Variants in PDSS2 observed in about 807,000 individuals in gnomAD.
PDSS2 encodes decaprenyl diphosphate synthase subunit 2.
A neutral mutation model predicts 44.5 loss-of-function variants in PDSS2; 31 were observed. The observed-to-expected ratio is 0.70, with a 90% confidence interval of 0.52 to 0.94. The LOEUF (loss-of-function observed/expected upper bound fraction) is 0.94, where lower values mean the gene tolerates loss of function less well. Ranked by LOEUF, PDSS2 falls within the 40% of genes least tolerant of loss-of-function variation. The pLI is 0.00. For synonymous variants in PDSS2, 157 were observed against 180.3 expected (o/e 0.87, Z 1.03); for missense variants, 452 against 482.2 (o/e 0.94, Z 0.59).
chr6:107,339,375 G>A (rs762200828), intron 1 of PDSS2, among the ~76,000 whole-genome samples: 7 of 152,096 alleles, frequency 4.6e-5, no homozygotes, highest in Non-Finnish European at 7.4e-5. Flanking sequence ...CTACAGAATT[G>A]GGTTTTCTTA....
At chr6:107,226,367 T>A (rs745757664) in intron 4 of PDSS2, among the ~76,000 whole-genome samples, 1 of 152,116 alleles carries the variant, frequency 6.6e-6, no homozygotes, top group East Asian at 1.9e-4. Flanking sequence ...AAAATGAACA[T>A]ACTTCTATGA....
At chr6:107,363,132 C>T (rs766703307) in intron 1 of PDSS2, among the ~76,000 whole-genome samples, 1 of 152,104 alleles carries the variant, frequency 6.6e-6, no homozygotes, top group Admixed American at 6.5e-5. Flanking sequence ...AAATAATGGG[C>T]AAAGACTTAC....
chr6:107,252,193 T>C (rs1774844421), intron 3 of PDSS2, among the ~76,000 whole-genome samples: 1 of 152,164 alleles, frequency 6.6e-6, no homozygotes, highest in African/African-American at 2.4e-5. Context: ...TTAAAATAAA[T>C]GAGGGCTTTG....
At chr6:107,371,222 A>G (rs1779120568) in intron 1 of PDSS2, among the ~76,000 whole-genome samples, 1 of 151,984 alleles carries the variant, frequency 6.6e-6, no homozygotes, top group South Asian at 2.1e-4. Flanking sequence ...AAGCCAAAGT[A>G]CCAAAATATG....
At chr6:107,429,901 A>AAAAAAAAAAAATAT (rs1166637352) in intron 1 of PDSS2, among the ~76,000 whole-genome samples, 3 of 31,838 alleles carry the variant, frequency 9.4e-5, no homozygotes, top group Non-Finnish European at 1.6e-4. Flanking sequence ...AAAAAAAAAA[A>AAAAAAAAAAAATAT]ATATATATAT....
rs575137390 is a variant in PDSS2 at position 107,336,461 on chromosome 6, G to A, written c.297-2129C>T. 1.4e-4 allele frequency among the ~76,000 whole-genome samples: 21 copies of A among 152,092 alleles called. 1 individual carries two copies. The highest frequency in any genetic ancestry group is 1.4e-3 in the East Asian group (7 of 5,176). ...TCATCAAGATAAAAGGGTTTAAACT[G>A]ATTTTTAAAAAGAAATTCTAATTTC... On this transcript the variant is annotated intron_variant, in intron 1 of 7. Transcript: ENST00000369037.
At chr6:107,366,314 A>T (rs529036597) in intron 1 of PDSS2, among the ~76,000 whole-genome samples, 6 of 152,240 alleles carry the variant, frequency 3.9e-5, no homozygotes, top group African/African-American at 1.2e-4. Flanking sequence ...AAAAAATTTT[A>T]AAAATATTTC....
At chr6:107,311,982 C>G (rs1267882548) in intron 2 of PDSS2, among the ~76,000 whole-genome samples, 5 of 152,240 alleles carry the variant, frequency 3.3e-5, no homozygotes, top group Non-Finnish European at 7.4e-5. Flanking sequence ...GAAAAGAGTA[C>G]TTAGGTTGGC....
intron 1 of PDSS2, among the ~76,000 whole-genome samples, chr6:107,426,448 G>A (rs7762907): frequency 1.9e-3 from 292 of 152,356 alleles, no homozygotes; most frequent in African/African-American, 6.5e-3. Context: ...GTAGGGCACT[G>A]CAGAAGGGAA....
chr6:107,290,772 A>G (rs568850057), intron 2 of PDSS2, among the ~76,000 whole-genome samples: 224 of 152,184 alleles, frequency 1.5e-3, no homozygotes, highest in Admixed American at 4.5e-3. Flanking sequence ...GCCATTTACA[A>G]TAGCAACCCT....
chr6:107,361,713 G>T (rs1778778778), intron 1 of PDSS2, among the ~76,000 whole-genome samples: 1 of 152,184 alleles, frequency 6.6e-6, no homozygotes, highest in Non-Finnish European at 1.5e-5. Flanking sequence ...TATCATGATG[G>T]AATGAGGTGG....
chr6:107,225,531 C>A (rs891425031), intron 4 of PDSS2, among the ~76,000 whole-genome samples: 4 of 151,994 alleles, frequency 2.6e-5, no homozygotes, highest in African/African-American at 4.8e-5. Context: ...CACAGATCAA[C>A]TCTAGTACAA....
intron 1 of PDSS2, among the ~76,000 whole-genome samples, chr6:107,361,594 A>G (rs1048269784): frequency 3.9e-5 from 6 of 152,224 alleles, no homozygotes; most frequent in Non-Finnish European, 2.9e-5. Context: ...CCCCTGCCCT[A>G]AAAGACTACC....
At chr6:107,400,759 G>A (rs957031934) in intron 1 of PDSS2, among the ~76,000 whole-genome samples, 7 of 152,222 alleles carry the variant, frequency 4.6e-5, no homozygotes, top group African/African-American at 1.7e-4. Flanking sequence ...ACAGCCTTCT[G>A]ACCCTTATCA....
chr6:107,433,111 A>G (rs1781243300), intron 1 of PDSS2, among the ~76,000 whole-genome samples: 1 of 152,166 alleles, frequency 6.6e-6, no homozygotes, highest in Admixed American at 6.6e-5. Flanking sequence ...AATAGTAAAA[A>G]TCATCCAGGA....
intron 2 of PDSS2, among the ~76,000 whole-genome samples, chr6:107,329,850 T>C (rs959678291): frequency 3.3e-5 from 5 of 151,924 alleles, no homozygotes; most frequent in African/African-American, 7.3e-5. Flanking sequence ...TTGTGAGGTA[T>C]AGAAGCAGGG....
At chr6:107,270,930 C>G (rs984387891) in intron 3 of PDSS2, among the ~76,000 whole-genome samples, 1 of 152,212 alleles carries the variant, frequency 6.6e-6, no homozygotes, top group Non-Finnish European at 1.5e-5. Flanking sequence ...AATTATTTAA[C>G]TGCTTTCAAA....
intron 2 of PDSS2, among the ~76,000 whole-genome samples, chr6:107,312,983 C>CGAGT (rs1179308862): frequency 6.6e-6 from 1 of 152,136 alleles, no homozygotes; most frequent in Non-Finnish European, 1.5e-5. Context: ...TATGGGTAGG[C>CGAGT]GAGTAGCAGA....
Position 107,210,445 on chromosome 6 carries a change from G to A in PDSS2, c.1002C>T (p.Ile334=), listed in dbSNP as rs375546963. 79 of 1,606,864 alleles carry A rather than the reference G, an allele frequency of 4.9e-5. No individual in the cohort carries two copies. The highest frequency in any genetic ancestry group is 6.1e-5 in the Non-Finnish European group (72 of 1,174,272). The stretch of plus-strand genomic sequence containing the variant: ...AGGAGTAATTTCATTTTACCTCTCC[G>A]ATCTGTTTAATCCACAAATCTCTTC... The part of the protein sequence containing the change: ...FLGRDLWIKQ[I]GEAQEKGRLD... Residue 334 remains isoleucine, a synonymous_variant, in exon 6 of 8, where the codon ATC becomes ATT. Coordinates refer to ENST00000369037, the MANE Select transcript of PDSS2 (RefSeq NM_020381.4).
Sources: gnomAD v4.1 joint callset for allele counts (sites outside exome capture counted in the v4.1 genomes callset) on GRCh38, gnomAD v4.1.1 for gene constraint, MANE v1.5 for transcripts, NCBI Gene and HGNC (gene_info 2026-07-23, HGNC 2026-07-21) for gene names.